Variants in BLOC1S3 observed in about 807,000 individuals in gnomAD.
The protein encoded by BLOC1S3 is biogenesis of lysosomal organelles complex 1 subunit 3, also known as biogenesis of lysosome-related organelles complex 1 subunit 3.
Under a neutral mutation model 9.1 loss-of-function variants are expected in BLOC1S3, and 7 were observed. The observed-to-expected ratio is 0.77, with a 90% CI of 0.44 to 1.45. The LOEUF (loss-of-function observed/expected upper bound fraction) is 1.45. Ranked by LOEUF, BLOC1S3 falls within the 40% of genes most tolerant of loss-of-function variation. The probability of loss-of-function intolerance (pLI) is 0.01; values close to 1 mark genes in which losing one functional copy is unlikely to be tolerated. For synonymous variants in BLOC1S3, 145 were observed against 158.4 expected, an observed-to-expected ratio of 0.92 and a Z score of 0.64; for missense variants, 307 against 315.2, an observed-to-expected ratio of 0.97 and a Z score of 0.20.
In BLOC1S3 at chr19:45,180,027, A is replaced by G; in HGVS notation, c.*122A>G. ...CCCCGCTCCCATCTTGGTGTCACCCATGGGGGCTAATCCGGTCCCCTTGGA... is the reference window on the plus strand; with the variant it reads ...CCCCGCTCCCATCTTGGTGTCACCCGTGGGGGCTAATCCGGTCCCCTTGGA... On this transcript the variant is annotated 3_prime_UTR_variant, in exon 2 of 2. Transcript: ENST00000433642. 5 of 1,162,842 alleles carry G rather than the reference A, an allele frequency of 4.3e-6. No individual in the cohort carries two copies. The highest frequency in any genetic ancestry group is 1.5e-5 in the South Asian group (1 of 67,118). The allele number at this position is 1,162,842 out of a possible 1,614,324, so 72.0% of individuals were successfully genotyped here. A position where few individuals can be genotyped will look rare whatever the true frequency, so the allele number is the denominator to read the frequency against.
At chr19:45,210,661 A>C (rs1236877435) in intron 3 of BLOC1S3, among the ~76,000 whole-genome samples, 1 of 151,752 alleles carries the variant, frequency 6.6e-6, no homozygotes, top group Non-Finnish European at 1.5e-5. Context: ...TACAACGCAG[A>C]GGCACAATCA....
chr19:45,179,498 G>A lies in BLOC1S3; in HGVS notation c.202G>A (p.Glu68Lys), dbSNP rs1343356122. The stretch of plus-strand genomic sequence containing the variant: ...AGCCGCGGAGACCGACTCGGAGCCG[G>A]AGCCGGAGCCGGAACCGACGGCCGC... ...GEAAETDSEP[E>K]PEPEPTAAPR... is the part of the protein sequence containing the mutation. The change falls in exon 2 of 2, where the codon GAG becomes AAG. Residue 68 changes from glutamate to lysine, a missense_variant. Transcript: ENST00000433642. This position sits in a 1 kb window ranked among gnomAD's most constrained non-coding sequence, Gnocchi z 4.6. 5 of 1,523,756 alleles carry A rather than the reference G, an allele frequency of 3.3e-6. No individual in the cohort carries two copies. The highest frequency in any genetic ancestry group is 4.0e-5 in the Admixed American group (2 of 50,388). 94.4% of individuals were successfully genotyped at this position (1,523,756 alleles called of 1,614,324 possible).
intron 2 of BLOC1S3, among the ~76,000 whole-genome samples, chr19:45,194,380 T>A (rs1969631967): frequency 6.6e-6 from 1 of 152,054 alleles, no homozygotes; most frequent in African/African-American, 2.4e-5. Context: ...CCCAAAGTGC[T>A]GGGATTACAG....
At chr19:45,213,344 C>T (rs1401275790) in intron 3 of BLOC1S3, 1 of 1,613,256 alleles carries the variant, frequency 6.2e-7, no homozygotes, top group Non-Finnish European at 8.5e-7. Context: ...AGGAGGGCTG[C>T]CACGTGCTTC....
rs961037954 is a variant in BLOC1S3, at chr19:45,216,162, C to T, written n.283-514C>T. 4.3e-6 allele frequency: 7 copies of T among 1,613,776 alleles called. No individual in the cohort carries two copies. The Admixed American group carries it at 6.7e-5, about 15-fold the overall frequency. ...GCTGCATGACTTCAGCCAAATGGGG[C>T]ACCACGGCATCCAGCCACGAGGCCT... On this transcript the variant is annotated intron_variant and non_coding_transcript_variant, in intron 3 of 3. Coordinates refer to the BLOC1S3 transcript ENST00000591569.
chr19:45,210,843 GGGCAGT>G (rs1393461875), intron 3 of BLOC1S3, among the ~76,000 whole-genome samples: 1 of 152,220 alleles, frequency 6.6e-6, no homozygotes. Context: ...AACGCCTACA[GGGCAGT>G]GGCAGTGGCT....
chr19:45,214,983 C>T (rs1409063129), intron 3 of BLOC1S3, among the ~76,000 whole-genome samples: 3 of 151,680 alleles, frequency 2.0e-5, no homozygotes, highest in Admixed American at 1.3e-4. Context: ...TGGTGAAATC[C>T]CATCTCTACT....
intron 3 of BLOC1S3, among the ~76,000 whole-genome samples, chr19:45,205,312 C>T (rs4381697): frequency 0.41 from 61,718 of 151,682 alleles, 12,976 homozygotes; most frequent in African/African-American, 0.47. Context: ...ATTACAGGTG[C>T]CCACCACCAC....
chr19:45,202,026 A>G (rs1969694770), intron 2 of BLOC1S3, among the ~76,000 whole-genome samples: 1 of 151,890 alleles, frequency 6.6e-6, no homozygotes, highest in Non-Finnish European at 1.5e-5. Context: ...GATCGAGACC[A>G]TCCTGGCTAA....
At chr19:45,203,449 T>G (rs904026283) in intron 3 of BLOC1S3, among the ~76,000 whole-genome samples, 3 of 152,094 alleles carry the variant, frequency 2.0e-5, no homozygotes, top group Non-Finnish European at 4.4e-5. Flanking sequence ...AATTTTTGTA[T>G]TTTTAGTAGA....
intron 2 of BLOC1S3, among the ~76,000 whole-genome samples, chr19:45,196,898 C>CAA (rs761156453): frequency 0.097 from 13,344 of 136,892 alleles, 1,135 homozygotes; most frequent in African/African-American, 0.22. Flanking sequence ...AAGACTGTCT[C>CAA]AAAAAAAAAA....
intron 3 of BLOC1S3, among the ~76,000 whole-genome samples, chr19:45,209,590 T>G (rs917288537): frequency 6.6e-6 from 1 of 151,802 alleles, no homozygotes; most frequent in Non-Finnish European, 1.5e-5. Context: ...CCCAGCTAAT[T>G]TTTTGTATTT....
intron 2 of BLOC1S3, among the ~76,000 whole-genome samples, chr19:45,194,135 T>C (rs1321894623): frequency 1.3e-5 from 1 of 74,436 alleles, no homozygotes; most frequent in African/African-American, 6.0e-5. Flanking sequence ...TTTAATGAGA[T>C]GGAGTCTCAC....
chr19:45,213,027 G>A, intron 3 of BLOC1S3: 1 of 1,438,036 alleles, frequency 7.0e-7, no homozygotes, highest in South Asian at 1.5e-5. Flanking sequence ...TGGCTTGTCA[G>A]CAGCATAGAT....
chr19:45,216,566 G>A lies in BLOC1S3; in HGVS notation n.283-110G>A, dbSNP rs547906608. 8.3e-5 allele frequency: 13 copies of A among 156,958 alleles called. No individual in the cohort carries two copies. The South Asian group carries it at 1.2e-3, about 15-fold the overall frequency. 9.7% of individuals were successfully genotyped at this position (156,958 alleles called of 1,614,324 possible). Reference sequence around the variant, plus strand: ...TGCACTCCAGCCTGGGTGACGGAGCGAGACTCTGTCTCAAAAATAAAGAAT... The same window carrying A: ...TGCACTCCAGCCTGGGTGACGGAGCAAGACTCTGTCTCAAAAATAAAGAAT... On this transcript the variant is annotated intron_variant and non_coding_transcript_variant, in intron 3 of 3. Transcript: ENST00000591569.
chr19:45,198,221 C>A (rs926530204), intron 2 of BLOC1S3, among the ~76,000 whole-genome samples: 17 of 152,156 alleles, frequency 1.1e-4, no homozygotes, highest in Admixed American at 9.8e-4. Context: ...CTTCTTTCTT[C>A]CAGTTTTCAT....
chr19:45,186,043 G>C (rs955707424), downstream of BLOC1S3, among the ~76,000 whole-genome samples: 6 of 151,986 alleles, frequency 3.9e-5, no homozygotes, highest in African/African-American at 1.4e-4. Flanking sequence ...AACCTGGGAG[G>C]CGAACATTGC....
chr19:45,182,964 G>A (rs936842203), downstream of BLOC1S3, among the ~76,000 whole-genome samples: 1 of 152,162 alleles, frequency 6.6e-6, no homozygotes, highest in Non-Finnish European at 1.5e-5. Context: ...GCTGAGCCCG[G>A]AAGGTGGAAG....
intron 2 of BLOC1S3, among the ~76,000 whole-genome samples, chr19:45,193,661 T>G (rs1389478450): frequency 6.6e-6 from 1 of 151,378 alleles, no homozygotes; most frequent in African/African-American, 2.4e-5. Flanking sequence ...GATTCACCCT[T>G]TCCTTGGAGA....
Sources: gnomAD v4.1 joint callset for allele counts (sites outside exome capture counted in the v4.1 genomes callset) on GRCh38, gnomAD v4.1.1 for gene constraint, Gnocchi (gnomAD v3.1) non-coding constraint, MANE v1.5 for transcripts, NCBI Gene and HGNC (gene_info 2026-07-23, HGNC 2026-07-21) for gene names.